The following ADAMTSL3 variants were observed in gnomAD, a reference collection of about 807,000 sequenced individuals.
ADAMTSL3 encodes ADAMTS-like protein 3.
ADAMTSL3 carries 128 observed loss-of-function variants against 201.7 expected under a neutral mutation model. That is an observed-to-expected ratio of 0.63 (90% CI 0.55 to 0.73). The LOEUF (loss-of-function observed/expected upper bound fraction) is 0.73, where lower values mean the gene tolerates loss of function less well. Ranked by LOEUF, ADAMTSL3 falls within the 30% of genes least tolerant of loss-of-function variation. The pLI is 0.00. For synonymous variants in ADAMTSL3, 738 were observed against 748.4 expected (o/e 0.99, Z 0.23); for missense variants, 1,990 against 2,119.6 (o/e 0.94, Z 1.20).
chr15:83,902,839 G>A (rs541514419), intron 15 of ADAMTSL3, among the ~76,000 whole-genome samples: 87 of 152,160 alleles, frequency 5.7e-4, no homozygotes, highest in African/African-American at 2.0e-3. Context: ...CACCTGTTAA[G>A]TCTTTTTCTG....
rs751220066 is a variant in ADAMTSL3, at chr15:83,970,637, A to C, written c.2644A>C (p.Lys882Gln). Reference protein sequence around the residue: ...VRSCQMPECSKIKSEMKTKLG... With the variant: ...VRSCQMPECSQIKSEMKTKLG... Reference sequence around the variant, plus strand: ...ATCTTGCCAGATGCCTGAGTGCAGTAGTAAGTATGCGGTGTCCGCGCTTCA... The same window carrying C: ...ATCTTGCCAGATGCCTGAGTGCAGTCGTAAGTATGCGGTGTCCGCGCTTCA... The change falls in exon 20 of 30, where the codon AAA becomes CAA. Residue 882 changes from lysine to glutamine, a missense_variant and splice_region_variant. Transcript: ENST00000286744. 4 of 1,614,124 alleles carry C rather than the reference A, an allele frequency of 2.5e-6. No individual in the cohort carries two copies. In the South Asian group the frequency reaches 4.4e-5, roughly 18 times the overall value.
intron 19 of ADAMTSL3, among the ~76,000 whole-genome samples, chr15:83,950,087 A>T (rs2142059160): frequency 6.6e-6 from 1 of 152,248 alleles, no homozygotes; most frequent in Admixed American, 6.5e-5. Flanking sequence ...TGCCCAGAGC[A>T]GTGTCCTGAA....
chr15:83,966,881 G>A (rs771412452), intron 19 of ADAMTSL3, among the ~76,000 whole-genome samples: 3 of 152,098 alleles, frequency 2.0e-5, no homozygotes, highest in Non-Finnish European at 2.9e-5. Context: ...TTCAACATAC[G>A]AAAATCAATA....
At chr15:83,881,850 C>T (rs58733277) in intron 9 of ADAMTSL3, among the ~76,000 whole-genome samples, 1 of 144,562 alleles carries the variant, frequency 6.9e-6, no homozygotes, top group Non-Finnish European at 1.5e-5. Flanking sequence ...GCGAGACTCC[C>T]TCTCAAAAAA....
intron 3 of ADAMTSL3, among the ~76,000 whole-genome samples, chr15:83,767,983 C>T (rs1049725436): frequency 2.0e-5 from 3 of 152,082 alleles, no homozygotes; most frequent in Admixed American, 6.6e-5. Flanking sequence ...CACAGTGGCT[C>T]GTAGATAGGG....
intron 3 of ADAMTSL3, among the ~76,000 whole-genome samples, chr15:83,713,026 G>C (rs950949184): frequency 2.0e-5 from 3 of 152,002 alleles, no homozygotes; most frequent in African/African-American, 7.3e-5. Context: ...CTTCTCCCAG[G>C]TGATCAGCCA....
At chr15:83,998,578 G>A (rs1014618270) in intron 23 of ADAMTSL3, among the ~76,000 whole-genome samples, 2 of 152,188 alleles carry the variant, frequency 1.3e-5, no homozygotes, top group Admixed American at 6.5e-5. Context: ...CAAGTTCACT[G>A]GGGGGAAAGT....
intron 27 of ADAMTSL3, among the ~76,000 whole-genome samples, chr15:84,030,906 A>C (rs1320269579): frequency 6.6e-6 from 1 of 152,080 alleles, no homozygotes; most frequent in Non-Finnish European, 1.5e-5. Context: ...TGATTGTTTT[A>C]TAAAGGGGGC....
intron 9 of ADAMTSL3, among the ~76,000 whole-genome samples, chr15:83,877,123 A>G (rs2065191833): frequency 6.6e-6 from 1 of 151,766 alleles, no homozygotes; most frequent in Non-Finnish European, 1.5e-5. Flanking sequence ...TTTTTTTTGT[A>G]GTAACAGGAT....
intron 3 of ADAMTSL3, among the ~76,000 whole-genome samples, chr15:83,717,962 A>T (rs892590711): frequency 6.6e-6 from 1 of 152,194 alleles, no homozygotes; most frequent in Non-Finnish European, 1.5e-5. Context: ...TTGGTTTTTT[A>T]TTCTGGTAAT....
At chr15:83,770,193 G>A (rs2062957536) in intron 3 of ADAMTSL3, among the ~76,000 whole-genome samples, 1 of 151,904 alleles carries the variant, frequency 6.6e-6, no homozygotes. Context: ...AAAATGATAT[G>A]GATTTAATAT....
intron 17 of ADAMTSL3, among the ~76,000 whole-genome samples, chr15:83,928,499 TAAC>T (rs2066289832): frequency 6.6e-6 from 1 of 152,186 alleles, no homozygotes; most frequent in Non-Finnish European, 1.5e-5. Flanking sequence ...ACGAAAATGA[TAAC>T]AACATGAAAG....
chr15:83,814,087 C>T (rs1430735894), intron 5 of ADAMTSL3, among the ~76,000 whole-genome samples: 1 of 152,072 alleles, frequency 6.6e-6, no homozygotes, highest in Non-Finnish European at 1.5e-5. Flanking sequence ...GACGGGGCTC[C>T]CAGGGCTCCT....
chr15:83,662,958 C>T (rs2061195704), intron 2 of ADAMTSL3, among the ~76,000 whole-genome samples: 1 of 152,150 alleles, frequency 6.6e-6, no homozygotes, highest in South Asian at 2.1e-4. Context: ...TTGGAGGGCT[C>T]CACAGGACAC....
chr15:83,688,618 T>G (rs942898684), intron 2 of ADAMTSL3, among the ~76,000 whole-genome samples: 1 of 152,072 alleles, frequency 6.6e-6, no homozygotes, highest in Admixed American at 6.6e-5. Context: ...TTGTTTTAGG[T>G]GCATTGAGGG....
intron 28 of ADAMTSL3, among the ~76,000 whole-genome samples, chr15:84,032,883 G>A (rs528568798): frequency 3.5e-4 from 54 of 152,202 alleles, no homozygotes; most frequent in Admixed American, 6.5e-4. Flanking sequence ...GAATTGGTAG[G>A]AATGCTCATT....
At position 83,654,968 on chromosome 15, in the gene ADAMTSL3, CGCCCGCGAGGCGAAGCG is replaced by C. The variant is rs528642887; in HGVS notation, c.-34+694_-34+710del. 2.4e-3 allele frequency among the ~76,000 whole-genome samples: 360 copies of C among 152,334 alleles called. 2 individuals carry two copies. Among genetic ancestry groups the C allele is most frequent in the Middle Eastern group, 6.8e-3 (2 of 294 alleles). On this transcript the variant is annotated intron_variant, in intron 1 of 29. Coordinates refer to ENST00000286744, the MANE Select transcript of ADAMTSL3 (RefSeq NM_207517.3). The surrounding 1 kb of genome is among the most constrained non-coding windows in gnomAD (Gnocchi z 5.3). ...CCCCCGGACACCAGCTCCGCCAAGG[CGCCCGCGAGGCGAAGCG>C]GGAGTCGAGTGTGACCTCGGCTTTT...
At chr15:84,032,702 C>A (rs1000990740) in intron 28 of ADAMTSL3, among the ~76,000 whole-genome samples, 3 of 152,144 alleles carry the variant, frequency 2.0e-5, no homozygotes, top group Non-Finnish European at 4.4e-5. Flanking sequence ...ATACTCTATT[C>A]TACTCAATAT....
chr15:83,816,963 T>C (rs2063780932), intron 5 of ADAMTSL3, among the ~76,000 whole-genome samples: 1 of 152,198 alleles, frequency 6.6e-6, no homozygotes, highest in Non-Finnish European at 1.5e-5. Context: ...GCCACTGCGC[T>C]CCATCCTGGG....
Sources: allele counts gnomAD v4.1 joint callset (sites outside exome capture counted in the v4.1 genomes callset), GRCh38; gene constraint gnomAD v4.1.1; non-coding constraint Gnocchi (gnomAD v3.1); transcripts MANE v1.5; gene names NCBI Gene and HGNC (gene_info 2026-07-23, HGNC 2026-07-21).